Variants in GABRB2 observed in about 807,000 individuals in gnomAD.
GABRB2 encodes the protein gamma-aminobutyric acid type A receptor subunit beta2, also known as gamma-aminobutyric acid receptor subunit beta-2.
Under a neutral mutation model 54.7 loss-of-function variants are expected in GABRB2, and 16 were observed. The observed-to-expected ratio is 0.29, with a 90% CI of 0.20 to 0.44. GABRB2 has a LOEUF of 0.44. Ranked by LOEUF, GABRB2 falls within the 20% of genes least tolerant of loss-of-function variation. The pLI is 1.00. For synonymous variants in GABRB2, 244 were observed against 233.8 expected (o/e 1.04, Z -0.40); for missense variants, 355 against 644.0 (o/e 0.55, Z 4.86).
chr5:161,375,300 C>T (rs558510560), intron 5 of GABRB2, among the ~76,000 whole-genome samples: 57 of 152,286 alleles, frequency 3.7e-4, no homozygotes, highest in African/African-American at 1.3e-3. Flanking sequence ...GTGAGTGTCG[C>T]TTAAATATAA....
intron 5 of GABRB2, among the ~76,000 whole-genome samples, chr5:161,343,458 T>A (rs537465235): frequency 6.6e-6 from 1 of 152,066 alleles, no homozygotes. Context: ...AAATGTCAGA[T>A]TGTGGGTTTT....
intron 9 of GABRB2, among the ~76,000 whole-genome samples, chr5:161,318,940 T>C (rs1487589570): frequency 1.3e-5 from 2 of 151,964 alleles, no homozygotes; most frequent in Admixed American, 1.3e-4. Context: ...TTATTGTTTA[T>C]ATATTTTCTA....
chr5:161,297,589 A>G (rs1229195721), intron 9 of GABRB2, among the ~76,000 whole-genome samples: 1 of 152,092 alleles, frequency 6.6e-6, no homozygotes, highest in African/African-American at 2.4e-5. Flanking sequence ...AGCTTCATCC[A>G]TGTCCTTGCA....
At chr5:161,416,871 C>T (rs1013691761) in intron 4 of GABRB2, among the ~76,000 whole-genome samples, 1 of 151,830 alleles carries the variant, frequency 6.6e-6, no homozygotes, top group Non-Finnish European at 1.5e-5. Context: ...TAGTGGGCAT[C>T]AGTTACTAAA....
intron 9 of GABRB2, among the ~76,000 whole-genome samples, chr5:161,299,658 TTCC>T (rs1757480550): frequency 6.6e-6 from 1 of 152,110 alleles, no homozygotes; most frequent in Non-Finnish European, 1.5e-5. Flanking sequence ...CTTCCTCCTC[TTCC>T]TCCTTCTTAT....
intron 9 of GABRB2, among the ~76,000 whole-genome samples, chr5:161,323,932 C>A (rs558589680): frequency 6.6e-6 from 1 of 152,252 alleles, no homozygotes; most frequent in East Asian, 1.9e-4. Context: ...TTGAACCTAG[C>A]AAATCCATTT....
chr5:161,537,410 A>G (rs1760672960), intron 3 of GABRB2, among the ~76,000 whole-genome samples: 1 of 152,228 alleles, frequency 6.6e-6, no homozygotes, highest in East Asian at 1.9e-4. Context: ...ATAGAAAAAA[A>G]AAATCACCAT....
rs1189113775 is a variant in GABRB2 at position 161,546,308 on chromosome 5, G to C, written c.169+14C>G. Reference sequence around the variant, plus strand: ...CGGCTGTGGCTGGACTTATTTGCAAGGCAACCCCATTACCTCCAAAATCTG... The same window carrying C: ...CGGCTGTGGCTGGACTTATTTGCAACGCAACCCCATTACCTCCAAAATCTG... On this transcript the variant is annotated intron_variant, in intron 2 of 9. Transcript: ENST00000393959. The C allele has an allele frequency of 6.2e-7, 1 of 1,610,132 alleles. No individual in the cohort carries two copies. The highest frequency in any genetic ancestry group is 1.7e-5 in the Admixed American group (1 of 60,026).
chr5:161,362,640 G>A (rs1754848848), intron 5 of GABRB2, among the ~76,000 whole-genome samples: 2 of 151,962 alleles, frequency 1.3e-5, no homozygotes, highest in South Asian at 4.1e-4. Flanking sequence ...TCTGACAAAG[G>A]GCTAATATCC....
chr5:161,534,770 G>A (rs972346444), intron 3 of GABRB2, among the ~76,000 whole-genome samples: 4 of 152,014 alleles, frequency 2.6e-5, no homozygotes, highest in Non-Finnish European at 4.4e-5. Context: ...GTGGAATAGA[G>A]CGAGGAAAAA....
intron 5 of GABRB2, among the ~76,000 whole-genome samples, chr5:161,378,739 T>A (rs901703590): frequency 2.4e-5 from 2 of 83,280 alleles, no homozygotes; most frequent in African/African-American, 6.4e-5. Flanking sequence ...AAGTTACAGC[T>A]ACTAGAAGTG....
chr5:161,298,125 G>A (rs1002540712), intron 9 of GABRB2, among the ~76,000 whole-genome samples: 1 of 152,044 alleles, frequency 6.6e-6, no homozygotes, highest in Non-Finnish European at 1.5e-5. Context: ...TTTTGATGGG[G>A]TTGTTTTTCT....
intron 4 of GABRB2, among the ~76,000 whole-genome samples, chr5:161,448,869 G>T (rs1462874955): frequency 6.6e-6 from 1 of 152,140 alleles, no homozygotes; most frequent in African/African-American, 2.4e-5. Flanking sequence ...TACTTTATGT[G>T]CTGTATTTAT....
In GABRB2 at chr5:161,298,313, T is replaced by G. The variant is rs192469900; in HGVS notation, c.1192-3885A>C. Reference sequence around the variant, plus strand: ...CCCATTTGTCAATTTTGGCTTTTGTTGCCATTACTTTTGGCATTTTAATCA... The same window carrying G: ...CCCATTTGTCAATTTTGGCTTTTGTGGCCATTACTTTTGGCATTTTAATCA... On this transcript the variant is annotated intron_variant, in intron 9 of 9. Transcript: ENST00000393959. Among the ~76,000 whole-genome samples, 451 of 152,338 alleles carry G rather than the reference T, an allele frequency of 3.0e-3. 2 individuals are homozygous for G. Among genetic ancestry groups the G allele is most frequent in the Non-Finnish European group, 5.1e-3 (349 of 68,026 alleles).
Position 161,293,956 on chromosome 5 carries a change from G to T in GABRB2, c.*125C>A. On this transcript the variant is annotated 3_prime_UTR_variant, in exon 10 of 10. Coordinates refer to ENST00000393959, the MANE Select transcript of GABRB2 (RefSeq NM_001371727.1). ...TGGTATGAAATGGACCACAGGATAG[G>T]CCAGCAACTAAGGTATTTTAGCGTC... 2 of 722,482 alleles carry T rather than the reference G, an allele frequency of 2.8e-6. No individual in the cohort carries two copies. Among genetic ancestry groups the T allele is most frequent in the Non-Finnish European group, 2.3e-6 (1 of 437,080 alleles). The allele number at this position is 722,482 out of a possible 1,614,324, so 44.8% of individuals were successfully genotyped here.
At chr5:161,545,193 T>C (rs1489622502) in intron 3 of GABRB2, 34 bp downstream of exon 3, 24 of 1,550,154 alleles carry the variant, frequency 1.5e-5, no homozygotes, top group Non-Finnish European at 2.1e-5. Context: ...AAACGAAAGT[T>C]TGCAAAGAAG....
chr5:161,296,513 C>A (rs911039493), intron 9 of GABRB2, among the ~76,000 whole-genome samples: 2 of 152,096 alleles, frequency 1.3e-5, no homozygotes, highest in Non-Finnish European at 2.9e-5. Flanking sequence ...CTATGGATTC[C>A]TATTAAGGGA....
Position 161,306,898 on chromosome 5 carries a change from G to A in GABRB2, c.1192-12470C>T, listed in dbSNP as rs150669272. On this transcript the variant is annotated intron_variant, in intron 9 of 9. Coordinates refer to ENST00000393959, the MANE Select transcript of GABRB2 (RefSeq NM_001371727.1). ...ATGCTGGTAAGCCTGTGCGCACTGT[G>A]TCCAGCAAAAGCCAAATACCTAATG... is the stretch of plus-strand genomic sequence containing the variant. 2.7e-3 allele frequency among the ~76,000 whole-genome samples: 409 copies of A among 152,250 alleles called. 1 individual carries two copies. The highest frequency in any genetic ancestry group is 9.6e-3 in the African/African-American group (397 of 41,548).
chr5:161,482,853 A>C (rs1204931122), intron 3 of GABRB2, among the ~76,000 whole-genome samples: 1 of 151,998 alleles, frequency 6.6e-6, no homozygotes, highest in Non-Finnish European at 1.5e-5. Flanking sequence ...GTTCTATTTG[A>C]TTTCAGAGTC....
Sources: gnomAD v4.1 joint callset for allele counts (sites outside exome capture counted in the v4.1 genomes callset) on GRCh38, gnomAD v4.1.1 for gene constraint, MANE v1.5 for transcripts, NCBI Gene and HGNC (gene_info 2026-07-23, HGNC 2026-07-21) for gene names.